PRPF39: variants seen among roughly 807,000 people sequenced by gnomAD.
PRPF39 encodes pre-mRNA-processing factor 39.
In PRPF39, 27 loss-of-function variants were observed where a neutral mutation model predicts 82.1. The ratio of observed to expected loss-of-function variants is 0.33; its 90% CI spans 0.24 to 0.45. The LOEUF (loss-of-function observed/expected upper bound fraction) is 0.45. Among genes scored for constraint, PRPF39 ranks in the 20% least tolerant of loss-of-function variants. The probability of loss-of-function intolerance (pLI) is 1.00; values close to 1 mark genes in which losing one functional copy is unlikely to be tolerated. For synonymous variants in PRPF39, 261 were observed against 256.4 expected (o/e 1.02, Z -0.17); for missense variants, 581 against 796.9 (o/e 0.73, Z 3.26).
chr14:45,111,460 G>A (rs1400094702), intron 10 of PRPF39, among the ~76,000 whole-genome samples: 7 of 151,236 alleles, frequency 4.6e-5, no homozygotes, highest in Admixed American at 1.3e-4. Flanking sequence ...TCAGCCTCCC[G>A]AGTAGCTGGG....
At position 45,114,896 on chromosome 14, in the gene PRPF39, C is replaced by A. The variant is rs149528346; in HGVS notation, c.1993C>A (p.Pro665Thr). 5 of 1,598,324 alleles carry A rather than the reference C, an allele frequency of 3.1e-6. No homozygotes were observed. In the African/African-American group the frequency reaches 5.4e-5, roughly 17 times the overall value. The change falls in exon 14 of 14, where the codon CCT (proline) becomes ACT (threonine). Residue 665 changes from proline (P) to threonine (T), a missense_variant. By Grantham distance (38) the Pro-to-Thr change is conservative. Coordinates refer to ENST00000355765, the MANE Select transcript of PRPF39 (RefSeq NM_017922.4). The part of the protein sequence containing the change: ...QNPWNYGQYY[P>T]PPPT The stretch of plus-strand genomic sequence containing the variant: ...TCCTTGGAATTATGGACAATATTAT[C>A]CTCCCCCTCCAACCTGATGGGAAAA...
intron 4 of PRPF39, 140 bp downstream of exon 4, chr14:45,097,145 G>A: frequency 7.6e-7 from 1 of 1,309,028 alleles, no homozygotes. Context: ...ATAAACTTAA[G>A]CTTTATGATT....
Position 45,110,905 on chromosome 14 carries a change from G to A in PRPF39, c.1572+88G>A, listed in dbSNP as rs1274370798. 1 of 1,248,274 alleles carries A rather than the reference G, an allele frequency of 8.0e-7. No homozygotes were observed. The highest frequency in any genetic ancestry group is 1.1e-6 in the Non-Finnish European group (1 of 911,056). The allele number at this position is 1,248,274 out of a possible 1,614,324, so 77.3% of individuals were successfully genotyped here. On this transcript the variant is annotated intron_variant, in intron 10 of 13. Coordinates refer to ENST00000355765, the MANE Select transcript of PRPF39 (RefSeq NM_017922.4). The surrounding 1 kb of genome is among the most constrained non-coding windows in gnomAD (Gnocchi z 4.0). ...CTGTGGCAACTGTGATGAAAGATTT[G>A]GTCTGTATGTAATAGATTTTATTAC...
At chr14:45,088,188 A>G (rs1451972733) in intron 1 of PRPF39, 1 of 155,090 alleles carries the variant, frequency 6.4e-6, no homozygotes, top group African/African-American at 2.4e-5. Flanking sequence ...GGGCAACCTA[A>G]TTTATTTGGG....
Position 45,115,701 on chromosome 14 carries a change from T to G in PRPF39, c.*788T>G, listed in dbSNP as rs1048517894. ...GTTTTGAAGTACACCTTTTCTAAATTCAGGTCTTGATCTTCCTGCCAAGAT... is the reference window on the plus strand; with the variant it reads ...GTTTTGAAGTACACCTTTTCTAAATGCAGGTCTTGATCTTCCTGCCAAGAT... On this transcript the variant is annotated 3_prime_UTR_variant, in exon 14 of 14. Transcript: ENST00000355765. 8 of 152,652 alleles carry G rather than the reference T, an allele frequency of 5.2e-5. No individual in the cohort carries two copies. The highest frequency in any genetic ancestry group is 1.7e-4 in the African/African-American group (7 of 41,464). 9.5% of individuals were successfully genotyped at this position (152,652 alleles called of 1,614,324 possible).
At chr14:45,100,231 AAAAC>A (rs142365872) in intron 4 of PRPF39, among the ~76,000 whole-genome samples, 14,160 of 151,760 alleles carry the variant, frequency 0.093, 909 homozygotes, top group African/African-American at 0.18. Context: ...CCCTGTCTCA[AAAAC>A]AAACAAACAA....
At chr14:45,098,328 A>G (rs1273013237) in intron 4 of PRPF39, among the ~76,000 whole-genome samples, 1 of 151,968 alleles carries the variant, frequency 6.6e-6, no homozygotes, top group African/African-American at 2.4e-5. Flanking sequence ...CTGTAGTTCT[A>G]GCTACTCGGG....
chr14:45,093,513 C>T (rs576319177), intron 1 of PRPF39, among the ~76,000 whole-genome samples: 11 of 150,944 alleles, frequency 7.3e-5, no homozygotes, highest in East Asian at 3.9e-4. Context: ...CATGAGCCAC[C>T]GTGCCTGGCC....
chr14:45,114,257 G>C lies in PRPF39; in HGVS notation c.1832G>C (p.Gly611Ala). 5.7e-6 allele frequency: 9 copies of C among 1,587,600 alleles called. No homozygotes were observed. Among genetic ancestry groups the C allele is most frequent in the Non-Finnish European group, 7.8e-6 (9 of 1,159,682 alleles). ...TCTTTAAAAAGGAAAGCAGAAAATGGGTATGTCACTTTTTGCTAAGTCAAG... is the reference window on the plus strand; with the variant it reads ...TCTTTAAAAAGGAAAGCAGAAAATGCGTATGTCACTTTTTGCTAAGTCAAG... ...QDSLKRKAEN[G>A]SEEPEEKKAH... Residue 611 changes from glycine to alanine, a missense_variant and splice_region_variant, in exon 12 of 14, where the codon GGA (glycine) becomes GCA (alanine). Coordinates refer to ENST00000355765, the MANE Select transcript of PRPF39 (RefSeq NM_017922.4).
intron 5 of PRPF39, among the ~76,000 whole-genome samples, chr14:45,103,407 T>C (rs1420289432): frequency 6.6e-6 from 1 of 152,092 alleles, no homozygotes; most frequent in Non-Finnish European, 1.5e-5. Flanking sequence ...TATTTTTTGT[T>C]ATAATTTTTA....
intron 1 of PRPF39, among the ~76,000 whole-genome samples, chr14:45,090,629 A>G (rs1214751566): frequency 6.6e-6 from 1 of 151,936 alleles, no homozygotes; most frequent in Non-Finnish European, 1.5e-5. Flanking sequence ...ATTATATTTC[A>G]TGTTTTCATC....
chr14:45,106,662 C>T (rs2139059588), intron 5 of PRPF39, among the ~76,000 whole-genome samples: 1 of 152,094 alleles, frequency 6.6e-6, no homozygotes, highest in Non-Finnish European at 1.5e-5. Context: ...AAGGTTTGGA[C>T]TTGTGTTGTA....
intron 1 of PRPF39, among the ~76,000 whole-genome samples, chr14:45,093,984 T>C (rs1884121545): frequency 2.6e-5 from 4 of 152,342 alleles, no homozygotes; most frequent in African/African-American, 9.6e-5. Context: ...TGCTATTTGG[T>C]ACACTCATTA....
chr14:45,107,715 G>A, intron 6 of PRPF39, 99 bp downstream of exon 6: 1 of 1,246,662 alleles, frequency 8.0e-7, no homozygotes, highest in Non-Finnish European at 1.1e-6. Flanking sequence ...GGTCACCTGA[G>A]GTCCGGAGTT....
rs1454383243 is a variant in PRPF39, at chr14:45,110,987, A to G, written c.1572+170A>G. The G allele has an allele frequency of 2.0e-5, 13 of 637,752 alleles. No homozygotes were observed. The highest frequency in any genetic ancestry group is 2.8e-5 in the East Asian group (1 of 35,536). The allele number at this position is 637,752 out of a possible 1,614,324, so 39.5% of individuals were successfully genotyped here. A position where few individuals can be genotyped will look rare whatever the true frequency, so the allele number is the denominator to read the frequency against. ...GTTGCCATTTAAAAATTTTTTTCAA[A>G]TTGTTTTGAATTAAAAGTTTTAGAC... On this transcript the variant is annotated intron_variant, in intron 10 of 13. Coordinates refer to ENST00000355765, the MANE Select transcript of PRPF39 (RefSeq NM_017922.4). The surrounding 1 kb of genome is among the most constrained non-coding windows in gnomAD (Gnocchi z 4.0).
chr14:45,096,896 CG>C lies in PRPF39; in HGVS notation c.465del (p.Leu156PhefsTer15), dbSNP rs1555355075. The C allele has an allele frequency of 6.5e-7, 1 of 1,537,382 alleles. No individual in the cohort carries two copies. The highest frequency in any genetic ancestry group is 8.8e-7 in the Non-Finnish European group (1 of 1,142,380). The stretch of plus-strand genomic sequence containing the variant: ...GCTGTTTTCTTCTTAGGTTTATCGG[CG>C]GGGGCTTCAGGCAATACCTCTTAGT... The part of the protein sequence containing the change: ...NIKPSDEVYR[R>X]GLQAIPLSVD... On this transcript the variant is annotated frameshift_variant, in exon 4 of 14. Transcript: ENST00000355765. LOFTEE classifies it high-confidence loss of function.
intron 4 of PRPF39, among the ~76,000 whole-genome samples, chr14:45,099,870 T>C (rs1377667168): frequency 6.6e-6 from 1 of 152,238 alleles, no homozygotes; most frequent in African/African-American, 2.4e-5. Flanking sequence ...TAGTTGAGAT[T>C]TTCCTCTGTT....
At chr14:45,113,851 G>T (rs1389342650) in intron 11 of PRPF39, among the ~76,000 whole-genome samples, 1 of 152,160 alleles carries the variant, frequency 6.6e-6, no homozygotes, top group Non-Finnish European at 1.5e-5. Context: ...GTTGTGCATT[G>T]AAAGCTAGAC....
chr14:45,094,533 C>T lies in PRPF39; in HGVS notation c.-19-688C>T, dbSNP rs1166585494. Among the ~76,000 whole-genome samples the T allele has an allele frequency of 2.0e-5, 3 of 152,118 alleles. No individual in the cohort carries two copies. In the East Asian group the frequency reaches 5.8e-4, roughly 29 times the overall value. ...TCCTGCCACAGCATCTCCTGAGTAG[C>T]TGGGACTGCAGCTGTGTGCCACCAT... On this transcript the variant is annotated intron_variant, in intron 1 of 13. Transcript: ENST00000355765.
Sources: gnomAD v4.1 joint callset for allele counts (sites outside exome capture counted in the v4.1 genomes callset) on GRCh38, gnomAD v4.1.1 for gene constraint, Gnocchi (gnomAD v3.1) non-coding constraint, MANE v1.5 for transcripts, NCBI Gene and HGNC (gene_info 2026-07-23, HGNC 2026-07-21) for gene names.